The following STK32B variants were observed in gnomAD, a reference collection of about 807,000 sequenced individuals.
STK32B encodes the protein serine/threonine-protein kinase 32B.
STK32B carries 43 observed loss-of-function variants against 52.6 expected under a neutral mutation model. That is an observed-to-expected ratio of 0.82 (90% CI 0.64 to 1.05). The LOEUF (loss-of-function observed/expected upper bound fraction) is 1.05, where lower values mean the gene tolerates loss of function less well. STK32B is among the 50% of genes least tolerant of loss of function. The pLI, the probability that STK32B is intolerant of heterozygous loss-of-function variation, is 0.00. For missense variants in STK32B, 621 were observed against 534.6 expected (o/e 1.16, Z -1.59); for synonymous variants, 238 against 204.3 (o/e 1.17, Z -1.41).
At chr4:5,440,332 T>G (rs925501391) in intron 6 of STK32B, among the ~76,000 whole-genome samples, 7 of 152,206 alleles carry the variant, frequency 4.6e-5, no homozygotes, top group African/African-American at 1.7e-4. Context: ...CCCTTGTAAG[T>G]TGGATTCCTA....
At chr4:5,349,906 T>G (rs1733718484) in intron 4 of STK32B, among the ~76,000 whole-genome samples, 1 of 152,094 alleles carries the variant, frequency 6.6e-6, no homozygotes, top group Admixed American at 6.5e-5. Context: ...TGAAGACAGA[T>G]CTTTTGAAAT....
intron 2 of STK32B, among the ~76,000 whole-genome samples, chr4:5,151,108 C>T (rs905264147): frequency 3.9e-5 from 6 of 152,140 alleles, no homozygotes; most frequent in Non-Finnish European, 8.8e-5. Context: ...GAAATATAAG[C>T]TTTCTAGAAG....
chr4:5,037,539 A>G, the STK32B span, among the ~76,000 whole-genome samples: 15 of 152,342 alleles, frequency 9.8e-5, no homozygotes, highest in South Asian at 4.1e-4. Flanking sequence ...TGAGCCCTCC[A>G]GAACTGATTC....
intron 6 of STK32B, among the ~76,000 whole-genome samples, chr4:5,432,054 T>C (rs143800422): frequency 8.6e-4 from 131 of 152,330 alleles, no homozygotes; most frequent in East Asian, 1.5e-3. Flanking sequence ...TAACAAAAAC[T>C]AGCTTACATC....
intron 1 of STK32B, among the ~76,000 whole-genome samples, chr4:5,054,205 G>A (rs559596620): frequency 1.9e-4 from 29 of 152,200 alleles, no homozygotes; most frequent in African/African-American, 6.3e-4. Flanking sequence ...GCTGGGGACC[G>A]GGAATATGAG....
chr4:5,363,772 C>T (rs1045439590), intron 4 of STK32B, among the ~76,000 whole-genome samples: 9 of 152,124 alleles, frequency 5.9e-5, no homozygotes, highest in Admixed American at 5.2e-4. Context: ...TGTCCTCTTA[C>T]CTATGGGGGT....
intron 3 of STK32B, among the ~76,000 whole-genome samples, chr4:5,196,068 G>A (rs976467981): frequency 2.0e-5 from 3 of 152,186 alleles, no homozygotes; most frequent in African/African-American, 7.2e-5. Context: ...ACAGGGAGTA[G>A]GAAAGTGTCA....
intron 6 of STK32B, among the ~76,000 whole-genome samples, chr4:5,429,002 A>G (rs1431624668): frequency 1.3e-5 from 2 of 152,212 alleles, no homozygotes; most frequent in East Asian, 3.9e-4. Flanking sequence ...AAATCCCCCT[A>G]ATTTATAGAT....
rs1226483950 is a variant in STK32B at position 5,395,090 on chromosome 4, C to T, written c.435-3117C>T. ...GGCTGCAGGACTGGGGTCCCGTTTT[C>T]TTGCTACATATAGGCCAGCGGTCAC... is the stretch of plus-strand genomic sequence containing the variant. On this transcript the variant is annotated intron_variant, in intron 4 of 11. Coordinates refer to ENST00000282908, the MANE Select transcript of STK32B (RefSeq NM_018401.3). This position sits in a 1 kb window ranked among gnomAD's most constrained non-coding sequence, Gnocchi z 4.4. 6.6e-6 allele frequency among the ~76,000 whole-genome samples: 1 copy of T among 152,164 alleles called. No homozygotes were observed.
chr4:5,049,256 G>T (rs1741673206), upstream of STK32B, among the ~76,000 whole-genome samples: 1 of 151,958 alleles, frequency 6.6e-6, no homozygotes, highest in East Asian at 1.9e-4. Flanking sequence ...GAGTGCAGTG[G>T]CACAATCTCA....
intron 1 of STK32B, among the ~76,000 whole-genome samples, chr4:5,086,922 G>A (rs1321643934): frequency 6.6e-6 from 1 of 152,146 alleles, no homozygotes; most frequent in Non-Finnish European, 1.5e-5. Flanking sequence ...GACTTGTCCT[G>A]CAACAGATAG....
intron 5 of STK32B, among the ~76,000 whole-genome samples, chr4:5,403,074 C>A (rs950502794): frequency 6.6e-6 from 1 of 152,170 alleles, no homozygotes; most frequent in African/African-American, 2.4e-5. Context: ...CTTGTATTTT[C>A]TGTATTCTGA....
At chr4:5,455,554 G>A (rs1716428783) in intron 7 of STK32B, among the ~76,000 whole-genome samples, 1 of 152,170 alleles carries the variant, frequency 6.6e-6, no homozygotes, top group Non-Finnish European at 1.5e-5. Flanking sequence ...TCCGAAGCAA[G>A]AACTCAAGGT....
At position 5,163,532 on chromosome 4, in the gene STK32B, T is replaced by C. The variant is rs976001763; in HGVS notation, c.109-4767T>C. On this transcript the variant is annotated intron_variant, in intron 2 of 11. Transcript: ENST00000282908. Reference sequence around the variant, plus strand: ...AAATTCTAAAGAGTTTGAGATAGAGTGAAGGCTGTGTGTGTGTGTGTGTGT... The same window carrying C: ...AAATTCTAAAGAGTTTGAGATAGAGCGAAGGCTGTGTGTGTGTGTGTGTGT... 2.8e-4 allele frequency among the ~76,000 whole-genome samples: 34 copies of C among 123,264 alleles called. 1 individual carries two copies. In the East Asian group the frequency reaches 5.1e-3, roughly 18 times the overall value. The allele number at this position is 123,264 out of a possible 152,430, so 80.9% of individuals were successfully genotyped here. A position where few individuals can be genotyped will look rare whatever the true frequency, so the allele number is the denominator to read the frequency against.
intron 11 of STK32B, among the ~76,000 whole-genome samples, chr4:5,473,675 C>T (rs111990691): frequency 4.3e-4 from 66 of 152,256 alleles, no homozygotes; most frequent in African/African-American, 1.5e-3. Context: ...CGAACCCAGA[C>T]GTTTCAGGTG....
intron 3 of STK32B, among the ~76,000 whole-genome samples, chr4:5,280,142 T>C (rs991932844): frequency 3.3e-5 from 5 of 152,202 alleles, no homozygotes; most frequent in African/African-American, 1.2e-4. Flanking sequence ...CTGCAAATTT[T>C]CCAAACTTTT....
chr4:5,489,621 A>ATTTTTTTTTTTTTTTTTTT (rs1193462359), intron 11 of STK32B, among the ~76,000 whole-genome samples: 2 of 151,702 alleles, frequency 1.3e-5, no homozygotes, highest in East Asian at 4.0e-4. Flanking sequence ...TATTTTATTT[A>ATTTTTTTTTTTTTTTTTTT]TTTTTTATTA....
intron 2 of STK32B, among the ~76,000 whole-genome samples, chr4:5,147,710 T>TA (rs1432338563): frequency 6.6e-6 from 1 of 152,084 alleles, no homozygotes; most frequent in Non-Finnish European, 1.5e-5. Context: ...GTTACTATGC[T>TA]AAATTACATT....
At position 5,153,221 on chromosome 4, in the gene STK32B, A is replaced by G. The variant is rs79221721; in HGVS notation, c.108+13261A>G. On this transcript the variant is annotated intron_variant, in intron 2 of 11. Coordinates refer to ENST00000282908, the MANE Select transcript of STK32B (RefSeq NM_018401.3). Reference sequence around the variant, plus strand: ...TGACAGACATTTGGTTTTGGATGCAACAGGGCATAGAGGAAAGGGTACAGG... The same window carrying G: ...TGACAGACATTTGGTTTTGGATGCAGCAGGGCATAGAGGAAAGGGTACAGG... 4.8e-3 allele frequency among the ~76,000 whole-genome samples: 737 copies of G among 152,340 alleles called. 8 individuals carry two copies. Among genetic ancestry groups the G allele is most frequent in the African/African-American group, 0.016 (654 of 41,580 alleles).
Sources: gnomAD v4.1 joint callset for allele counts (sites outside exome capture counted in the v4.1 genomes callset) on GRCh38, gnomAD v4.1.1 for gene constraint, Gnocchi (gnomAD v3.1) non-coding constraint, MANE v1.5 for transcripts, NCBI Gene and HGNC (gene_info 2026-07-23, HGNC 2026-07-21) for gene names.